The following TACC2 variants were observed in gnomAD, a reference collection of about 807,000 sequenced individuals.
The protein encoded by TACC2 is transforming acidic coiled-coil containing protein 2, also known as transforming acidic coiled-coil-containing protein 2.
Under a neutral mutation model 227.3 loss-of-function variants are expected in TACC2, and 137 were observed. The ratio of observed to expected loss-of-function variants is 0.60; its 90% CI spans 0.52 to 0.69. TACC2 has a LOEUF of 0.69. TACC2 is among the 30% of genes least tolerant of loss of function. The pLI, the probability that TACC2 is intolerant of heterozygous loss-of-function variation, is 0.00. For synonymous variants in TACC2, 1,523 were observed against 1,487.5 expected (o/e 1.02, Z -0.55); for missense variants, 3,470 against 3,694.4 (o/e 0.94, Z 1.57).
At chr10:122,108,590 C>T (rs1225081640) in intron 5 of TACC2, among the ~76,000 whole-genome samples, 1 of 150,562 alleles carries the variant, frequency 6.6e-6, no homozygotes, top group African/African-American at 2.4e-5. Flanking sequence ...GGATTACAGG[C>T]ACGTGCCACC....
At chr10:122,239,218 A>G (rs2095929215) in intron 18 of TACC2, among the ~76,000 whole-genome samples, 1 of 152,218 alleles carries the variant, frequency 6.6e-6, no homozygotes, top group Non-Finnish European at 1.5e-5. Flanking sequence ...CATGTTGGCC[A>G]GGCTGGTCTT....
chr10:122,048,931 ACT>A (rs779543832), intron 2 of TACC2, among the ~76,000 whole-genome samples: 27 of 152,242 alleles, frequency 1.8e-4, no homozygotes, highest in Non-Finnish European at 3.7e-4. Context: ...ATTCTGGCAA[ACT>A]CTGAGTTAAA....
chr10:122,130,303 C>G (rs771915573), intron 5 of TACC2, among the ~76,000 whole-genome samples: 2 of 152,082 alleles, frequency 1.3e-5, no homozygotes, highest in African/African-American at 2.4e-5. Flanking sequence ...GCCAGACTCC[C>G]CCTTCTTCAT....
chr10:122,133,898 C>T (rs1308115920), intron 6 of TACC2, among the ~76,000 whole-genome samples: 2 of 152,164 alleles, frequency 1.3e-5, no homozygotes. Flanking sequence ...ATTGGGCAGG[C>T]CCTGGAGGAA....
intron 11 of TACC2, among the ~76,000 whole-genome samples, chr10:122,217,585 C>T (rs1379352674): frequency 2.0e-5 from 3 of 151,400 alleles, no homozygotes; most frequent in Middle Eastern, 3.2e-3. Flanking sequence ...ATTACAGGCG[C>T]GTGCCACCAC....
At chr10:122,191,347 CAG>C (rs1423674131) in intron 7 of TACC2, among the ~76,000 whole-genome samples, 1 of 152,126 alleles carries the variant, frequency 6.6e-6, no homozygotes, top group Non-Finnish European at 1.5e-5. Context: ...CGACACATAA[CAG>C]TATATTCAAC....
chr10:122,063,489 A>G (rs2077058390), intron 3 of TACC2, among the ~76,000 whole-genome samples: 1 of 152,218 alleles, frequency 6.6e-6, no homozygotes, highest in Non-Finnish European at 1.5e-5. Context: ...GTGCTGAATT[A>G]GGTGTGTGTC....
At position 122,177,202 on chromosome 10, in the gene TACC2, A is replaced by G. The variant is rs146710084; in HGVS notation, c.5835-17838A>G. Among the ~76,000 whole-genome samples, 481 of 152,236 alleles carry G rather than the reference A, an allele frequency of 3.2e-3. 4 individuals carry two copies. Among genetic ancestry groups the G allele is most frequent in the Non-Finnish European group, 5.0e-3 (343 of 68,014 alleles). ...TTGGGGTGGTATATTCTGGCCTCCTACAGTTGCATTTTGGGGTGGTATTGT... is the reference window on the plus strand; with the variant it reads ...TTGGGGTGGTATATTCTGGCCTCCTGCAGTTGCATTTTGGGGTGGTATTGT... On this transcript the variant is annotated intron_variant, in intron 7 of 22. Coordinates refer to ENST00000369005, the MANE Select transcript of TACC2 (RefSeq NM_206862.4).
rs1317079427 is a variant in TACC2, at chr10:122,086,322, C to G, written c.3822C>G (p.Pro1274=). Reference sequence around the variant, plus strand: ...AAAGCCCCTGTCCTGTAGGGGAGCCCCCACTTGCCTTGGAAAATGCTGCCT... The same window carrying G: ...AAAGCCCCTGTCCTGTAGGGGAGCCGCCACTTGCCTTGGAAAATGCTGCCT... ...PGESPCPVGE[P]PLALENAASL... is the part of the protein sequence containing the mutation. The change falls in exon 4 of 23, where the codon CCC becomes CCG. Residue 1274 remains proline, a synonymous_variant. Transcript: ENST00000369005. The G allele has an allele frequency of 6.2e-7, 1 of 1,613,876 alleles. No homozygotes were observed. The highest frequency in any genetic ancestry group is 2.2e-5 in the East Asian group (1 of 44,884).
At chr10:122,055,570 T>G (rs1448573480) in intron 3 of TACC2, among the ~76,000 whole-genome samples, 5 of 152,112 alleles carry the variant, frequency 3.3e-5, no homozygotes, top group African/African-American at 1.2e-4. Context: ...GGGAGGAGGC[T>G]GGGAGGAGGC....
intron 6 of TACC2, among the ~76,000 whole-genome samples, chr10:122,135,665 C>T (rs533898004): frequency 1.3e-5 from 2 of 152,344 alleles, no homozygotes; most frequent in African/African-American, 2.4e-5. Context: ...TCCTCGTTGG[C>T]AGATTCCATA....
At chr10:122,235,378 G>A (rs919478003) in intron 16 of TACC2, among the ~76,000 whole-genome samples, 2 of 151,954 alleles carry the variant, frequency 1.3e-5, no homozygotes, top group Admixed American at 1.3e-4. Flanking sequence ...GTGAGCCACT[G>A]CAACCGGCCC....
chr10:122,220,055 AAAAG>A (rs1479839712), intron 11 of TACC2, among the ~76,000 whole-genome samples: 1 of 152,028 alleles, frequency 6.6e-6, no homozygotes, highest in African/African-American at 2.4e-5. Flanking sequence ...AAAAAAAGAA[AAAAG>A]AAAGAAGCCA....
chr10:122,034,742 C>T (rs1467466432), intron 2 of TACC2, among the ~76,000 whole-genome samples: 1 of 151,954 alleles, frequency 6.6e-6, no homozygotes. Flanking sequence ...CCAGCCTGAC[C>T]AACATGGTGA....
chr10:122,196,192 T>C (rs2094562910), intron 8 of TACC2, among the ~76,000 whole-genome samples: 1 of 152,170 alleles, frequency 6.6e-6, no homozygotes, highest in Non-Finnish European at 1.5e-5. Flanking sequence ...ATTTTGACCT[T>C]GATGTTGGTT....
chr10:122,241,735 T>C, intron 18 of TACC2: 1 of 585,614 alleles, frequency 1.7e-6, no homozygotes, highest in East Asian at 2.8e-5. Flanking sequence ...GTTTGATTTT[T>C]TTTCTTAGTG....
intron 16 of TACC2, among the ~76,000 whole-genome samples, chr10:122,235,198 G>T (rs771352169): frequency 1.3e-5 from 2 of 152,038 alleles, no homozygotes; most frequent in Non-Finnish European, 2.9e-5. Flanking sequence ...AGCGATTCTC[G>T]TGCCTCAGCC....
chr10:122,088,356 T>C (rs1416758187), intron 4 of TACC2, 122 bp from the exon 5 acceptor site: 2 of 561,436 alleles, frequency 3.6e-6, no homozygotes, highest in Non-Finnish European at 4.8e-6. Context: ...TTCCTAGGGA[T>C]TTTTTTTTTT....
chr10:122,043,407 A>G (rs1227747754), intron 2 of TACC2, among the ~76,000 whole-genome samples: 1 of 152,208 alleles, frequency 6.6e-6, no homozygotes, highest in African/African-American at 2.4e-5. Flanking sequence ...CCATGAGGGT[A>G]GTAGGAACCA....
Sources: allele counts gnomAD v4.1 joint callset (sites outside exome capture counted in the v4.1 genomes callset), GRCh38; gene constraint gnomAD v4.1.1; transcripts MANE v1.5; gene names NCBI Gene and HGNC (gene_info 2026-07-23, HGNC 2026-07-21).